Variants in GRID2 observed in about 807,000 individuals in gnomAD.
GRID2 encodes glutamate receptor ionotropic, delta-2.
Under a neutral mutation model 114.8 loss-of-function variants are expected in GRID2, and 33 were observed. The observed-to-expected ratio is 0.29, with a 90% confidence interval of 0.22 to 0.38. The LOEUF (loss-of-function observed/expected upper bound fraction) is 0.38, where lower values mean the gene tolerates loss of function less well. GRID2 is among the 10% of genes least tolerant of loss of function. The pLI is 1.00. For synonymous variants in GRID2, 505 were observed against 449.9 expected (o/e 1.12, Z -1.55); for missense variants, 1,184 against 1,257.7 (o/e 0.94, Z 0.89).
intron 2 of GRID2, among the ~76,000 whole-genome samples, chr4:92,894,445 G>T (rs1315349797): frequency 6.6e-6 from 1 of 151,888 alleles, no homozygotes; most frequent in Non-Finnish European, 1.5e-5. Flanking sequence ...ATAAGACAGG[G>T]GTTTTACATT....
intron 4 of GRID2, among the ~76,000 whole-genome samples, chr4:93,152,268 C>CT (rs781015064): frequency 7.9e-5 from 12 of 152,082 alleles, no homozygotes; most frequent in Non-Finnish European, 1.6e-4. Context: ...TTAAAGTAGA[C>CT]TTCACCAGGT....
intron 4 of GRID2, among the ~76,000 whole-genome samples, chr4:93,144,698 G>T (rs1032501838): frequency 6.6e-6 from 1 of 151,936 alleles, no homozygotes; most frequent in Admixed American, 6.6e-5. Flanking sequence ...TCAGAACCAG[G>T]GTTTCTTCAT....
At chr4:92,443,627 C>T (rs1014142310) in intron 1 of GRID2, among the ~76,000 whole-genome samples, 4 of 152,000 alleles carry the variant, frequency 2.6e-5, no homozygotes, top group South Asian at 2.1e-4. Context: ...TCTAGAAAAG[C>T]GGGACTTGCC....
At chr4:92,336,035 A>G (rs1410315647) in intron 1 of GRID2, among the ~76,000 whole-genome samples, 1 of 152,216 alleles carries the variant, frequency 6.6e-6, no homozygotes, top group Non-Finnish European at 1.5e-5. Flanking sequence ...AATGGCTAAC[A>G]TTATAATGTA....
intron 1 of GRID2, among the ~76,000 whole-genome samples, chr4:92,493,571 GCAT>G (rs1479169086): frequency 3.3e-5 from 5 of 152,228 alleles, no homozygotes; most frequent in African/African-American, 9.6e-5. Flanking sequence ...GCATCCTTGT[GCAT>G]CACTCACATT....
intron 2 of GRID2, among the ~76,000 whole-genome samples, chr4:92,701,726 A>G (rs935637417): frequency 1.3e-5 from 2 of 152,182 alleles, no homozygotes; most frequent in Non-Finnish European, 1.5e-5. Context: ...CCTCAATTAT[A>G]TAGCACTATC....
At chr4:93,244,796 G>A (rs1748012508) in intron 8 of GRID2, among the ~76,000 whole-genome samples, 1 of 151,398 alleles carries the variant, frequency 6.6e-6, no homozygotes, top group Non-Finnish European at 1.5e-5. Flanking sequence ...TATTGCACTT[G>A]TATTCAGCAT....
At chr4:93,070,382 A>C (rs910510061) in intron 2 of GRID2, among the ~76,000 whole-genome samples, 1 of 152,142 alleles carries the variant, frequency 6.6e-6, no homozygotes, top group African/African-American at 2.4e-5. Context: ...GTTGAAAGGC[A>C]TTATTAGTGA....
chr4:93,456,042 C>A, intron 11 of GRID2, 68 bp downstream of exon 11: 1 of 915,194 alleles, frequency 1.1e-6, no homozygotes, highest in East Asian at 2.4e-5. Context: ...GCCATGTATT[C>A]AGTTAATAAG....
chr4:92,352,687 G>A (rs1347186564), intron 1 of GRID2, among the ~76,000 whole-genome samples: 3 of 151,936 alleles, frequency 2.0e-5, no homozygotes, highest in Non-Finnish European at 4.4e-5. Context: ...CCATTCATGT[G>A]CTTATTGGTC....
At chr4:92,641,265 A>C (rs1731333956) in intron 2 of GRID2, among the ~76,000 whole-genome samples, 2 of 149,936 alleles carry the variant, frequency 1.3e-5, no homozygotes, top group South Asian at 2.1e-4. Flanking sequence ...TATTATATTA[A>C]AAGGAACATT....
intron 2 of GRID2, among the ~76,000 whole-genome samples, chr4:93,025,210 A>G (rs1578783732): frequency 6.6e-6 from 1 of 151,854 alleles, no homozygotes; most frequent in Middle Eastern, 3.4e-3. Flanking sequence ...TGTGTTTGGA[A>G]ACATTTAAGT....
At chr4:93,669,488 T>C (rs1055563562) in intron 14 of GRID2, among the ~76,000 whole-genome samples, 1 of 132,998 alleles carries the variant, frequency 7.5e-6, no homozygotes, top group Non-Finnish European at 1.7e-5. Context: ...AATTCCTACA[T>C]GTACAGAAAA....
chr4:93,342,464 C>G (rs1374900306), intron 8 of GRID2, among the ~76,000 whole-genome samples: 1 of 152,078 alleles, frequency 6.6e-6, no homozygotes, highest in Non-Finnish European at 1.5e-5. Flanking sequence ...ATTATCATTC[C>G]CCCTCCTAAA....
chr4:92,649,727 C>T (rs1336727583), intron 2 of GRID2, among the ~76,000 whole-genome samples: 1 of 151,908 alleles, frequency 6.6e-6, no homozygotes, highest in Non-Finnish European at 1.5e-5. Flanking sequence ...ACTATCCTGC[C>T]TGCAACCAAA....
chr4:92,538,649 T>A (rs948509371), intron 1 of GRID2, among the ~76,000 whole-genome samples: 2 of 152,164 alleles, frequency 1.3e-5, no homozygotes, highest in African/African-American at 4.8e-5. Context: ...TTACTCTACA[T>A]GCTCTGTGAG....
intron 2 of GRID2, among the ~76,000 whole-genome samples, chr4:92,698,755 G>T: frequency 6.6e-6 from 1 of 151,944 alleles, no homozygotes; most frequent in Admixed American, 6.6e-5. Context: ...AGTGGCAAGT[G>T]AAAATGTAGA....
chr4:92,346,314 T>C (rs568729886), intron 1 of GRID2, among the ~76,000 whole-genome samples: 17 of 152,332 alleles, frequency 1.1e-4, no homozygotes, highest in African/African-American at 3.8e-4. Flanking sequence ...CCTTACAACA[T>C]TATATTTCAT....
At chr4:93,690,627 C>G (rs901102243) in intron 14 of GRID2, among the ~76,000 whole-genome samples, 23 of 151,766 alleles carry the variant, frequency 1.5e-4, no homozygotes, top group Admixed American at 1.3e-4. Flanking sequence ...TTTCTCATCA[C>G]AAATTTAAAT....
Sources: allele counts gnomAD v4.1 joint callset (sites outside exome capture counted in the v4.1 genomes callset), GRCh38; gene constraint gnomAD v4.1.1; transcripts MANE v1.5; gene names NCBI Gene and HGNC (gene_info 2026-07-23, HGNC 2026-07-21).